Variants in PLCB1 observed in about 807,000 individuals in gnomAD.
The protein encoded by PLCB1 is 1-phosphatidylinositol 4,5-bisphosphate phosphodiesterase beta-1.
Under a neutral mutation model 161.8 loss-of-function variants are expected in PLCB1, and 46 were observed. The ratio of observed to expected loss-of-function variants is 0.28; its 90% confidence interval spans 0.22 to 0.36. The LOEUF (loss-of-function observed/expected upper bound fraction) is 0.36, where lower values mean the gene tolerates loss of function less well. Among genes scored for constraint, PLCB1 ranks in the 10% least tolerant of loss-of-function variants. The pLI is 1.00. For missense variants in PLCB1, 1,016 were observed against 1,472.5 expected (o/e 0.69, Z 5.07); for synonymous variants, 517 against 503.7 (o/e 1.03, Z -0.35).
intron 3 of PLCB1, among the ~76,000 whole-genome samples, chr20:8,585,445 G>A (rs555478697): frequency 7.2e-5 from 11 of 152,296 alleles, no homozygotes; most frequent in African/African-American, 2.2e-4. Context: ...TTTGAAATGA[G>A]AAGATGTTGG....
intron 3 of PLCB1, among the ~76,000 whole-genome samples, chr20:8,378,708 A>G (rs1157613680): frequency 3.3e-5 from 5 of 152,224 alleles, no homozygotes; most frequent in Non-Finnish European, 5.9e-5. Context: ...ATTTTTCTGT[A>G]ACATGAAATC....
chr20:8,343,147 T>C (rs376945251), intron 2 of PLCB1, among the ~76,000 whole-genome samples: 1 of 152,178 alleles, frequency 6.6e-6, no homozygotes, highest in African/African-American at 2.4e-5. Flanking sequence ...GTACCAAGCA[T>C]GTGGGGCTCT....
intron 2 of PLCB1, among the ~76,000 whole-genome samples, chr20:8,154,471 C>G (rs1470330707): frequency 6.6e-6 from 1 of 152,048 alleles, no homozygotes; most frequent in Non-Finnish European, 1.5e-5. Context: ...CAGGGATTCC[C>G]TAAGGTAAAT....
chr20:8,376,534 T>C (rs1390917495), intron 3 of PLCB1, among the ~76,000 whole-genome samples: 1 of 152,202 alleles, frequency 6.6e-6, no homozygotes, highest in Non-Finnish European at 1.5e-5. Context: ...TTACAGGTGC[T>C]GGAAAACAGC....
chr20:8,451,085 A>G (rs1194269423), intron 3 of PLCB1, among the ~76,000 whole-genome samples: 2 of 152,180 alleles, frequency 1.3e-5, no homozygotes, highest in Non-Finnish European at 2.9e-5. Context: ...ACAATAATAT[A>G]TAGATTGTAC....
chr20:8,263,178 C>T (rs1284906279), intron 2 of PLCB1, among the ~76,000 whole-genome samples: 1 of 150,858 alleles, frequency 6.6e-6, no homozygotes, highest in Non-Finnish European at 1.5e-5. Flanking sequence ...TCTATAGTAC[C>T]AAAAAAAAAT....
intron 3 of PLCB1, among the ~76,000 whole-genome samples, chr20:8,374,433 A>G (rs1157971259): frequency 1.3e-5 from 2 of 152,164 alleles, no homozygotes; most frequent in African/African-American, 2.4e-5. Flanking sequence ...CAGTGTGAGA[A>G]CGGACTATTA....
intron 2 of PLCB1, among the ~76,000 whole-genome samples, chr20:8,232,667 A>G (rs1980116529): frequency 6.6e-6 from 1 of 152,108 alleles, no homozygotes; most frequent in Admixed American, 6.6e-5. Flanking sequence ...TCTGGGCCTT[A>G]TAGTATTTGT....
At chr20:8,259,450 T>A (rs1981586750) in intron 2 of PLCB1, among the ~76,000 whole-genome samples, 1 of 151,878 alleles carries the variant, frequency 6.6e-6, no homozygotes, top group African/African-American at 2.4e-5. Flanking sequence ...ACCCTATCTC[T>A]ACTAAAAATA....
intron 3 of PLCB1, among the ~76,000 whole-genome samples, chr20:8,506,329 T>G (rs1983636742): frequency 6.6e-6 from 1 of 152,174 alleles, no homozygotes; most frequent in Non-Finnish European, 1.5e-5. Flanking sequence ...CACCTCAATA[T>G]TACCAGTGGG....
At chr20:8,706,877 G>A (rs991466924) in intron 11 of PLCB1, among the ~76,000 whole-genome samples, 1 of 152,176 alleles carries the variant, frequency 6.6e-6, no homozygotes, top group African/African-American at 2.4e-5. Flanking sequence ...ACAGATCTGT[G>A]AAGTGAGGTT....
chr20:8,464,858 A>G (rs1158508652), intron 3 of PLCB1, among the ~76,000 whole-genome samples: 1 of 142,758 alleles, frequency 7.0e-6, no homozygotes, highest in East Asian at 2.0e-4. Flanking sequence ...ACATCCACCC[A>G]CTCCCCTCAG....
chr20:8,571,433 G>C (rs1394606759), intron 3 of PLCB1, among the ~76,000 whole-genome samples: 1 of 152,162 alleles, frequency 6.6e-6, no homozygotes, highest in African/African-American at 2.4e-5. Context: ...AGTGAGCTGA[G>C]ATCATGCCAC....
chr20:8,602,748 G>T (rs1407170646), intron 3 of PLCB1, among the ~76,000 whole-genome samples: 1 of 152,186 alleles, frequency 6.6e-6, no homozygotes, highest in African/African-American at 2.4e-5. Context: ...AAATACATAG[G>T]CCTTTCTATT....
chr20:8,844,680 G>A (rs922105112), intron 31 of PLCB1, among the ~76,000 whole-genome samples: 1 of 152,176 alleles, frequency 6.6e-6, no homozygotes, highest in Non-Finnish European at 1.5e-5. Context: ...CTAATGTGGT[G>A]CCAGTGTCAA....
chr20:8,452,633 A>G (rs983770237), intron 3 of PLCB1, among the ~76,000 whole-genome samples: 21 of 152,224 alleles, frequency 1.4e-4, no homozygotes, highest in African/African-American at 5.1e-4. Flanking sequence ...GCCAGGTTGT[A>G]CAGAAAGGTT....
At chr20:8,670,075 C>G (rs1332581839) in intron 9 of PLCB1, among the ~76,000 whole-genome samples, 1 of 152,134 alleles carries the variant, frequency 6.6e-6, no homozygotes, top group Admixed American at 6.6e-5. Flanking sequence ...CTCTGAGAAC[C>G]TCTAATTTTA....
At chr20:8,203,905 G>A (rs79923687) in intron 2 of PLCB1, among the ~76,000 whole-genome samples, 2,814 of 152,190 alleles carry the variant, frequency 0.018, 65 homozygotes, top group African/African-American at 0.061. Flanking sequence ...TGCCCATAGT[G>A]AAGGACTTGT....
At chr20:8,405,816 A>G (rs1211916877) in intron 3 of PLCB1, among the ~76,000 whole-genome samples, 1 of 152,112 alleles carries the variant, frequency 6.6e-6, no homozygotes, top group Non-Finnish European at 1.5e-5. Flanking sequence ...GTCACTTCCT[A>G]CTTTTTATTA....
Sources: allele counts gnomAD v4.1 joint callset (sites outside exome capture counted in the v4.1 genomes callset), GRCh38; gene constraint gnomAD v4.1.1; transcripts MANE v1.5; gene names NCBI Gene and HGNC (gene_info 2026-07-23, HGNC 2026-07-21).